The following SPSB1 variants were observed in gnomAD, a reference collection of about 807,000 sequenced individuals.
SPSB1 encodes the protein SPRY domain-containing SOCS box protein 1.
SPSB1 carries 8 observed loss-of-function variants against 21.2 expected under a neutral mutation model. The ratio of observed to expected loss-of-function variants is 0.38; its 90% CI spans 0.22 to 0.68. The LOEUF is 0.68. SPSB1 is among the 30% of genes least tolerant of loss of function. The pLI is 0.53. For missense variants in SPSB1, 242 were observed against 377.8 expected (o/e 0.64, Z 2.98); for synonymous variants, 169 against 161.7 (o/e 1.05, Z -0.34).
At chr1:9,361,386 A>G (rs1177736683) in intron 2 of SPSB1, among the ~76,000 whole-genome samples, 3 of 151,544 alleles carry the variant, frequency 2.0e-5, no homozygotes, top group Non-Finnish European at 2.9e-5. Flanking sequence ...TCCCTGGGAT[A>G]TCTGGAGAAT....
At position 9,349,000 on chromosome 1, in the gene SPSB1, G is replaced by A. The variant is rs1640208782; in HGVS notation, c.-149-6743G>A. On this transcript the variant is annotated intron_variant, in intron 1 of 2. Coordinates refer to ENST00000328089, the MANE Select transcript of SPSB1 (RefSeq NM_025106.4). The surrounding 1 kb of genome is among the most constrained non-coding windows in gnomAD (Gnocchi z 4.8). ...GTGTGCACGTGCATGTGTGTGTGTA[G>A]TGGTGGGGTATTCCTCCCACTGGGA... is the stretch of plus-strand genomic sequence containing the variant. Among the ~76,000 whole-genome samples the A allele has an allele frequency of 6.6e-6, 1 of 152,228 alleles. No homozygotes were observed. The highest frequency in any genetic ancestry group is 2.4e-5 in the African/African-American group (1 of 41,546).
intron 1 of SPSB1, among the ~76,000 whole-genome samples, chr1:9,341,674 T>G (rs765079931): frequency 3.3e-5 from 5 of 152,198 alleles, no homozygotes; most frequent in Non-Finnish European, 7.4e-5. Flanking sequence ...CTGTTCTCCC[T>G]TCCTGAACGG....
chr1:9,328,551 C>T (rs1291396666), intron 1 of SPSB1, among the ~76,000 whole-genome samples: 1 of 152,210 alleles, frequency 6.6e-6, no homozygotes, highest in African/African-American at 2.4e-5. Flanking sequence ...TAAACAGGGA[C>T]TCTAAGGCCC....
chr1:9,367,658 A>C lies in SPSB1; in HGVS notation c.*83A>C. 6.7e-7 allele frequency: 1 copy of C among 1,485,506 alleles called. No individual in the cohort carries two copies. Among genetic ancestry groups the C allele is most frequent in the South Asian group, 1.3e-5 (1 of 75,608 alleles). 92.0% of individuals were successfully genotyped at this position (1,485,506 alleles called of 1,614,324 possible). A position where few individuals can be genotyped will look rare whatever the true frequency, so the allele number is the denominator to read the frequency against. ...TGCCGCTGGGGCCGCCGCACCCTGC[A>C]CCTTGGACCGGCATCCGTAGCCATG... On this transcript the variant is annotated 3_prime_UTR_variant, in exon 3 of 3. Transcript: ENST00000328089. The surrounding 1 kb of genome is among the most constrained non-coding windows in gnomAD (Gnocchi z 5.9).
chr1:9,308,165 G>A (rs891323259), intron 1 of SPSB1, among the ~76,000 whole-genome samples: 1 of 152,190 alleles, frequency 6.6e-6, no homozygotes, highest in South Asian at 2.1e-4. Context: ...GCCCAAAGGG[G>A]GTGGACTGCC....
intron 1 of SPSB1, among the ~76,000 whole-genome samples, chr1:9,347,148 G>A (rs2100506761): frequency 6.6e-6 from 1 of 152,260 alleles, no homozygotes; most frequent in East Asian, 1.9e-4. Flanking sequence ...GTGAGACCCT[G>A]TCTCTTTAAA....
At chr1:9,314,908 C>T (rs1433015427) in intron 1 of SPSB1, among the ~76,000 whole-genome samples, 1 of 152,224 alleles carries the variant, frequency 6.6e-6, no homozygotes, top group Non-Finnish European at 1.5e-5. Context: ...CAAAGGAGAA[C>T]AGCATGTCCT....
intron 1 of SPSB1, among the ~76,000 whole-genome samples, chr1:9,339,762 T>A (rs1401874923): frequency 6.6e-6 from 1 of 152,072 alleles, no homozygotes; most frequent in Non-Finnish European, 1.5e-5. Flanking sequence ...TTCTACAGGG[T>A]CTGGGCAAGG....
chr1:9,304,479 G>C (rs1214686393), intron 1 of SPSB1, among the ~76,000 whole-genome samples: 1 of 152,226 alleles, frequency 6.6e-6, no homozygotes. Context: ...CTGGTGGAGA[G>C]GAAGCTGGAG....
chr1:9,350,592 A>G (rs548528986), intron 1 of SPSB1, among the ~76,000 whole-genome samples: 1 of 152,172 alleles, frequency 6.6e-6, no homozygotes, highest in Non-Finnish European at 1.5e-5. Flanking sequence ...ATGTGTGTGC[A>G]TGTAGGCATG....
chr1:9,295,871 T>C lies in SPSB1; in HGVS notation c.-150+2800T>C, dbSNP rs1449506477. On this transcript the variant is annotated intron_variant, in intron 1 of 2. Coordinates refer to ENST00000328089, the MANE Select transcript of SPSB1 (RefSeq NM_025106.4). The stretch of plus-strand genomic sequence containing the variant: ...TAGCTGGTGTGCATGACTCAGTGTA[T>C]CTTTTGGTTCTGAAAAATTTTATCA... Among the ~76,000 whole-genome samples, 3 of 152,192 alleles carry C rather than the reference T, an allele frequency of 2.0e-5. No homozygotes were observed. The East Asian group carries it at 5.8e-4, about 29-fold the overall frequency.
intron 1 of SPSB1, among the ~76,000 whole-genome samples, chr1:9,309,249 G>A (rs1033665878): frequency 1.3e-5 from 2 of 151,386 alleles, no homozygotes; most frequent in Non-Finnish European, 2.9e-5. Flanking sequence ...CAATTCCTGT[G>A]TGCTCCCCTG....
chr1:9,300,558 G>A (rs1639311426), intron 1 of SPSB1, among the ~76,000 whole-genome samples: 1 of 152,212 alleles, frequency 6.6e-6, no homozygotes, highest in Non-Finnish European at 1.5e-5. Flanking sequence ...TTCCTTTTGA[G>A]AGACAGCTCT....
At chr1:9,315,344 C>A (rs902416903) in intron 1 of SPSB1, among the ~76,000 whole-genome samples, 1 of 152,266 alleles carries the variant, frequency 6.6e-6, no homozygotes, top group African/African-American at 2.4e-5. Context: ...CACAGGAAGG[C>A]ATCGCAGCAG....
At chr1:9,318,981 T>TGAGTTCAAGACCG (rs70979731) in intron 1 of SPSB1, among the ~76,000 whole-genome samples, 1 of 151,552 alleles carries the variant, frequency 6.6e-6, no homozygotes, top group South Asian at 2.1e-4. Context: ...CCTGAGGTCA[T>TGAGTTCAAGACCG]GCCTGGGCAA....
At chr1:9,302,088 C>T (rs549214058) in intron 1 of SPSB1, among the ~76,000 whole-genome samples, 15 of 152,306 alleles carry the variant, frequency 9.8e-5, no homozygotes, top group South Asian at 8.3e-4. Flanking sequence ...GGGAATTGGC[C>T]GGTGAGCACG....
At chr1:9,325,434 C>T (rs1557453429) in intron 1 of SPSB1, among the ~76,000 whole-genome samples, 1 of 152,138 alleles carries the variant, frequency 6.6e-6, no homozygotes. Flanking sequence ...GGTTCCATAG[C>T]AGGTCTGGGA....
At chr1:9,298,625 G>T (rs1557443233) in intron 1 of SPSB1, among the ~76,000 whole-genome samples, 1 of 152,178 alleles carries the variant, frequency 6.6e-6, no homozygotes. Context: ...ATTGTTCGGG[G>T]ATAACTGGTT....
At chr1:9,336,101 G>C (rs1195021316) in intron 1 of SPSB1, among the ~76,000 whole-genome samples, 1 of 152,170 alleles carries the variant, frequency 6.6e-6, no homozygotes, top group Non-Finnish European at 1.5e-5. Flanking sequence ...GGCATTTATT[G>C]TTCTCGTCTC....
Sources: allele counts gnomAD v4.1 joint callset (sites outside exome capture counted in the v4.1 genomes callset), GRCh38; gene constraint gnomAD v4.1.1; non-coding constraint Gnocchi (gnomAD v3.1); transcripts MANE v1.5; gene names NCBI Gene and HGNC (gene_info 2026-07-23, HGNC 2026-07-21).